The following CRACR2A variants were observed in gnomAD, a reference collection of about 807,000 sequenced individuals.
The protein encoded by CRACR2A is calcium release activated channel regulator 2A.
In CRACR2A, 79 loss-of-function variants were observed where a neutral mutation model predicts 90.5. That is an observed-to-expected ratio of 0.87 (90% CI 0.73 to 1.05). CRACR2A has a LOEUF of 1.05. Among genes scored for constraint, CRACR2A ranks in the 50% least tolerant of loss-of-function variants. The pLI is 0.00. For missense variants in CRACR2A, 823 were observed against 897.2 expected, an observed-to-expected ratio of 0.92 and a Z score of 1.06; for synonymous variants, 338 against 356.7, an observed-to-expected ratio of 0.95 and a Z score of 0.59.
intron 2 of CRACR2A, chr12:3,728,290 A>G (rs910720828): frequency 1.3e-5 from 2 of 152,328 alleles, no homozygotes; most frequent in African/African-American, 4.8e-5. Flanking sequence ...TAGCACTTCA[A>G]TGAAAAGCAA....
At chr12:3,638,054 G>A (rs1471471009) in intron 14 of CRACR2A, 70 bp downstream of exon 14, 15 of 1,427,914 alleles carry the variant, frequency 1.1e-5, no homozygotes, top group Middle Eastern at 2.6e-4. Context: ...CTCTCCGGGC[G>A]CTTGGCCTCA....
chr12:3,725,763 G>C (rs958442921), intron 2 of CRACR2A: 1 of 152,202 alleles, frequency 6.6e-6, no homozygotes, highest in Non-Finnish European at 1.5e-5. Flanking sequence ...AATTAAATAA[G>C]TATTTTCTTT....
At chr12:3,625,121 A>G (rs1031850249) in intron 17 of CRACR2A, among the ~76,000 whole-genome samples, 3 of 152,182 alleles carry the variant, frequency 2.0e-5, no homozygotes, top group African/African-American at 7.2e-5. Context: ...TAGAAATCAT[A>G]TAGAAAAGCC....
chr12:3,671,525 C>A (rs1338378725), intron 7 of CRACR2A, among the ~76,000 whole-genome samples: 1 of 152,174 alleles, frequency 6.6e-6, no homozygotes, highest in Non-Finnish European at 1.5e-5. Flanking sequence ...AGCACCTGGA[C>A]ACCCTGCTAA....
intron 1 of CRACR2A, among the ~76,000 whole-genome samples, chr12:3,735,404 A>C (rs1407181380): frequency 6.6e-6 from 1 of 152,202 alleles, no homozygotes; most frequent in Admixed American, 6.5e-5. Context: ...TGAATTCTTG[A>C]AGGGAGACAA....
intron 17 of CRACR2A, among the ~76,000 whole-genome samples, chr12:3,623,903 C>G (rs563968101): frequency 9.2e-5 from 14 of 152,346 alleles, no homozygotes; most frequent in African/African-American, 3.1e-4. Context: ...CCTCCAGAAT[C>G]TCCTCATCCA....
At chr12:3,700,330 A>T (rs1464466376) in intron 3 of CRACR2A, among the ~76,000 whole-genome samples, 1 of 152,186 alleles carries the variant, frequency 6.6e-6, no homozygotes, top group Admixed American at 6.5e-5. Context: ...TTCCTGAGAC[A>T]TAGGAAAGAA....
chr12:3,658,391 T>G (rs1591663486), intron 8 of CRACR2A, among the ~76,000 whole-genome samples: 3 of 146,172 alleles, frequency 2.1e-5, no homozygotes, highest in African/African-American at 5.1e-5. Context: ...GGCGGGGAGG[T>G]GGGGTGGGGA....
intron 2 of CRACR2A, among the ~76,000 whole-genome samples, chr12:3,714,609 G>C (rs548116199): frequency 1.4e-4 from 22 of 152,226 alleles, no homozygotes; most frequent in African/African-American, 5.3e-4. Context: ...TATGAACAGT[G>C]TTATTTCTAG....
At chr12:3,736,057 A>G (rs73247883) in intron 1 of CRACR2A, among the ~76,000 whole-genome samples, 23,825 of 151,962 alleles carry the variant, frequency 0.16, 2,070 homozygotes, top group African/African-American at 0.2. Context: ...GGAGAAAGGT[A>G]TGGGGTGAGG....
rs753252980 is a variant in CRACR2A at position 3,640,404 on chromosome 12, T to A, written c.1271+1328A>T. ...TCAATAAATATTTATTAAGTGAGCA[T>A]TTAATAATGGAGATTAATGGTAGGA... On this transcript the variant is annotated intron_variant, in intron 13 of 19. Transcript: ENST00000440314. The A allele has an allele frequency of 1.1e-4, 80 of 732,700 alleles. 1 individual carries two copies. Among genetic ancestry groups the A allele is most frequent in the African/African-American group, 1.9e-5 (1 of 53,926 alleles). The allele number at this position is 732,700 out of a possible 1,614,324, so 45.4% of individuals were successfully genotyped here. A position where few individuals can be genotyped will look rare whatever the true frequency, so the allele number is the denominator to read the frequency against.
In CRACR2A at chr12:3,748,001, C is replaced by T. The variant is rs1303303246; in HGVS notation, c.-387+5014G>A. On this transcript the variant is annotated intron_variant, in intron 1 of 19. Transcript: ENST00000440314. ...AGAGTTCCACAGGCTCAGGGGTACA[C>T]CCAGAAGGGCACAGAGTTCCACAGG... Among the ~76,000 whole-genome samples the T allele has an allele frequency of 2.7e-5, 4 of 149,258 alleles. No individual in the cohort carries two copies. The East Asian group carries it at 5.8e-4, about 22-fold the overall frequency.
intron 6 of CRACR2A, among the ~76,000 whole-genome samples, chr12:3,676,239 C>T (rs1440408774): frequency 2.0e-5 from 3 of 152,308 alleles, no homozygotes; most frequent in South Asian, 2.1e-4. Flanking sequence ...TAAGGAACCT[C>T]TCTGTTTCTC....
rs143545586 is a variant in CRACR2A at position 3,746,723 on chromosome 12, T to C, written c.-387+6292A>G. Among the ~76,000 whole-genome samples, 255 of 152,346 alleles carry C rather than the reference T, an allele frequency of 1.7e-3. No individual in the cohort carries two copies. The highest frequency in any genetic ancestry group is 5.7e-3 in the African/African-American group (237 of 41,586). On this transcript the variant is annotated intron_variant, in intron 1 of 19. Coordinates refer to ENST00000440314, the MANE Select transcript of CRACR2A (RefSeq NM_001144958.2). This position sits in a 1 kb window ranked among gnomAD's most constrained non-coding sequence, Gnocchi z 4.4. ...TGGCACAGCAGGGACTTAGCATGCATGGAAGCTAATTAGGTGAGAGACTCT... is the reference window on the plus strand; with the variant it reads ...TGGCACAGCAGGGACTTAGCATGCACGGAAGCTAATTAGGTGAGAGACTCT...
chr12:3,683,508 T>C (rs1945493786), intron 4 of CRACR2A, among the ~76,000 whole-genome samples: 1 of 152,202 alleles, frequency 6.6e-6, no homozygotes, highest in African/African-American at 2.4e-5. Context: ...CCTTGGCTCC[T>C]TTAAACACCA....
intron 1 of CRACR2A, among the ~76,000 whole-genome samples, chr12:3,738,366 G>A (rs1946477786): frequency 6.6e-6 from 1 of 152,148 alleles, no homozygotes; most frequent in African/African-American, 2.4e-5. Context: ...TGACTGTAAT[G>A]TATTCAAAGA....
intron 1 of CRACR2A, among the ~76,000 whole-genome samples, chr12:3,751,875 A>C (rs1317331008): frequency 6.6e-6 from 1 of 152,078 alleles, no homozygotes; most frequent in Non-Finnish European, 1.5e-5. Flanking sequence ...ACTGCGCATG[A>C]AGTAGCTCTT....
intron 1 of CRACR2A, among the ~76,000 whole-genome samples, chr12:3,737,876 C>G (rs187080069): frequency 3.3e-5 from 5 of 152,352 alleles, no homozygotes; most frequent in South Asian, 2.1e-4. Context: ...TCCTACCAAG[C>G]CTTCCTCTCC....
At chr12:3,654,801 G>T (rs1313737259) in intron 9 of CRACR2A, among the ~76,000 whole-genome samples, 1 of 152,158 alleles carries the variant, frequency 6.6e-6, no homozygotes, top group Non-Finnish European at 1.5e-5. Context: ...CAGCTAAATG[G>T]CCTGCTTCAT....
Sources: allele counts gnomAD v4.1 joint callset (sites outside exome capture counted in the v4.1 genomes callset), GRCh38; gene constraint gnomAD v4.1.1; non-coding constraint Gnocchi (gnomAD v3.1); transcripts MANE v1.5; gene names NCBI Gene and HGNC (gene_info 2026-07-23, HGNC 2026-07-21).